The following WWOX variants were observed in gnomAD, a reference collection of about 807,000 sequenced individuals.
The protein encoded by WWOX is WW domain-containing oxidoreductase.
WWOX carries 69 observed loss-of-function variants against 46.2 expected under a neutral mutation model. That is an observed-to-expected ratio of 1.49 (90% CI 1.23 to 1.82). WWOX has a LOEUF of 1.82. WWOX is among the 40% of genes most tolerant of loss of function. The pLI, the probability that WWOX is intolerant of heterozygous loss-of-function variation, is 0.00. For synonymous variants in WWOX, 359 were observed against 202.6 expected (o/e 1.77, Z -6.56); for missense variants, 919 against 542.6 (o/e 1.69, Z -6.89).
At position 79,116,691 on chromosome 16, in the gene WWOX, C is replaced by T. The variant is rs149513475; in HGVS notation, c.1057-94917C>T. Among the ~76,000 whole-genome samples the T allele has an allele frequency of 4.0e-3, 602 of 152,142 alleles. 18 individuals are homozygous for T. The highest frequency in any genetic ancestry group is 0.034 in the Admixed American group (515 of 15,264). ...TACTTCCTCCACTAACTTTTGAACC[C>T]CTCAGAGTCACCCAAGAAGGTGGAA... On this transcript the variant is annotated intron_variant, in intron 8 of 8. Transcript: ENST00000566780.
intron 8 of WWOX, among the ~76,000 whole-genome samples, chr16:79,032,498 T>G: frequency 6.8e-6 from 1 of 148,060 alleles, no homozygotes; most frequent in East Asian, 1.9e-4. Flanking sequence ...TAATAGACTA[T>G]ACACATATAC....
intron 8 of WWOX, among the ~76,000 whole-genome samples, chr16:78,750,596 A>G (rs182842307): frequency 9.7e-4 from 147 of 152,222 alleles, no homozygotes; most frequent in Middle Eastern, 3.4e-3. Context: ...CCAAATTAGT[A>G]AACATAGTAC....
chr16:78,870,936 T>C (rs2737279), intron 8 of WWOX, among the ~76,000 whole-genome samples: 70,377 of 152,064 alleles, frequency 0.46, 17,479 homozygotes, highest in East Asian at 0.57. Flanking sequence ...TGAAACTGTC[T>C]GCCTGATTCT....
chr16:79,154,584 A>C (rs933538906), intron 8 of WWOX, among the ~76,000 whole-genome samples: 5 of 152,102 alleles, frequency 3.3e-5, no homozygotes, highest in African/African-American at 1.2e-4. Flanking sequence ...ATTCGATGGC[A>C]ATTTTGTGTT....
chr16:78,253,887 C>G (rs2038050373), intron 5 of WWOX, among the ~76,000 whole-genome samples: 2 of 152,166 alleles, frequency 1.3e-5, no homozygotes, highest in South Asian at 4.1e-4. Flanking sequence ...ATACACTTCC[C>G]ACCTCCAGCC....
intron 8 of WWOX, among the ~76,000 whole-genome samples, chr16:78,821,771 A>G (rs535685244): frequency 7.2e-5 from 11 of 152,344 alleles, no homozygotes; most frequent in African/African-American, 9.6e-5. Context: ...ATGCAAAGTA[A>G]CCTAGCATAG....
chr16:78,430,063 T>G (rs1260631183), intron 7 of WWOX, among the ~76,000 whole-genome samples: 1 of 152,084 alleles, frequency 6.6e-6, no homozygotes, highest in Non-Finnish European at 1.5e-5. Context: ...GGAAACAGGT[T>G]TAATGGGCTC....
chr16:78,605,666 C>T (rs962743035), intron 8 of WWOX, among the ~76,000 whole-genome samples: 10 of 152,154 alleles, frequency 6.6e-5, no homozygotes, highest in Admixed American at 1.3e-4. Flanking sequence ...ATTACAACTC[C>T]GCCTCTCGTG....
intron 8 of WWOX, among the ~76,000 whole-genome samples, chr16:78,514,754 G>C (rs897976900): frequency 1.3e-5 from 2 of 152,158 alleles, no homozygotes; most frequent in Admixed American, 6.6e-5. Context: ...TAAACACACA[G>C]GCATTGAAAA....
intron 8 of WWOX, among the ~76,000 whole-genome samples, chr16:78,881,930 C>T (rs1192861835): frequency 6.6e-6 from 1 of 152,074 alleles, no homozygotes; most frequent in Non-Finnish European, 1.5e-5. Flanking sequence ...TGAGATAATC[C>T]TGGCCAACAT....
chr16:79,042,728 G>GTTTTTTTTTTTTTT (rs11379084), intron 8 of WWOX, among the ~76,000 whole-genome samples: 4 of 143,124 alleles, frequency 2.8e-5, no homozygotes, highest in African/African-American at 5.2e-5. Flanking sequence ...AATACTCAGG[G>GTTTTTTTTTTTTTT]TTTTTTTTTT....
At chr16:78,882,384 C>G (rs1381901954) in intron 8 of WWOX, among the ~76,000 whole-genome samples, 2 of 152,184 alleles carry the variant, frequency 1.3e-5, no homozygotes, top group East Asian at 1.9e-4. Context: ...CCAGGATTAT[C>G]TTCCATCCTC....
intron 8 of WWOX, chr16:78,552,143 G>C (rs1455104011): frequency 6.6e-6 from 1 of 152,152 alleles, no homozygotes; most frequent in Non-Finnish European, 1.5e-5. Flanking sequence ...TCCTTACAGG[G>C]ACCCAGAATT....
At chr16:78,162,372 G>A (rs968418748) in intron 4 of WWOX, among the ~76,000 whole-genome samples, 2 of 151,846 alleles carry the variant, frequency 1.3e-5, no homozygotes, top group African/African-American at 4.8e-5. Flanking sequence ...GATGTGCCTT[G>A]CTTTGACATG....
intron 6 of WWOX, among the ~76,000 whole-genome samples, chr16:78,423,502 C>T (rs1241648909): frequency 6.6e-6 from 1 of 152,038 alleles, no homozygotes; most frequent in African/African-American, 2.4e-5. Context: ...TGATTTTTCA[C>T]AAGTATACAA....
intron 8 of WWOX, among the ~76,000 whole-genome samples, chr16:78,490,515 C>G (rs118049953): frequency 6.6e-6 from 1 of 152,096 alleles, no homozygotes; most frequent in East Asian, 1.9e-4. Flanking sequence ...CACGAACATG[C>G]GTTGTTTTCA....
intron 8 of WWOX, among the ~76,000 whole-genome samples, chr16:78,433,192 A>G (rs1457420730): frequency 6.6e-6 from 1 of 152,148 alleles, no homozygotes; most frequent in Non-Finnish European, 1.5e-5. Flanking sequence ...GAAAAACTGT[A>G]TCTTTTGTTC....
intron 8 of WWOX, among the ~76,000 whole-genome samples, chr16:78,637,782 G>A (rs2046609962): frequency 6.6e-6 from 1 of 152,190 alleles, no homozygotes; most frequent in African/African-American, 2.4e-5. Flanking sequence ...GGGATGTGTA[G>A]GGGACCTAGG....
At chr16:78,383,749 T>G (rs2082003536) in intron 5 of WWOX, among the ~76,000 whole-genome samples, 1 of 152,144 alleles carries the variant, frequency 6.6e-6, no homozygotes, top group African/African-American at 2.4e-5. Context: ...TCTCCATTTC[T>G]CAGGATTGGT....
Sources: gnomAD v4.1 joint callset for allele counts (sites outside exome capture counted in the v4.1 genomes callset) on GRCh38, gnomAD v4.1.1 for gene constraint, MANE v1.5 for transcripts, NCBI Gene and HGNC (gene_info 2026-07-23, HGNC 2026-07-21) for gene names.